The following DIPK1C variants were observed in gnomAD, a reference collection of about 807,000 sequenced individuals.
DIPK1C encodes divergent protein kinase domain 1C.
Under a neutral mutation model 28.0 loss-of-function variants are expected in DIPK1C, and 33 were observed. The ratio of observed to expected loss-of-function variants is 1.18; its 90% confidence interval spans 0.89 to 1.58. The LOEUF (loss-of-function observed/expected upper bound fraction) is 1.58, where lower values mean the gene tolerates loss of function less well. Ranked by LOEUF, DIPK1C falls within the 40% of genes most tolerant of loss-of-function variation. The pLI, the probability that DIPK1C is intolerant of heterozygous loss-of-function variation, is 0.00. For missense variants in DIPK1C, 569 were observed against 568.5 expected (o/e 1.00, Z -0.01); for synonymous variants, 255 against 248.8 (o/e 1.02, Z -0.23).
upstream of DIPK1C, among the ~76,000 whole-genome samples, chr18:74,460,405 G>A (rs368032063): frequency 6.6e-6 from 1 of 152,190 alleles, no homozygotes; most frequent in Non-Finnish European, 1.5e-5. Flanking sequence ...TTAATGCAAT[G>A]TACACACACA....
intron 2 of DIPK1C, among the ~76,000 whole-genome samples, chr18:74,446,206 G>A (rs577471399): frequency 1.2e-4 from 18 of 152,198 alleles, no homozygotes; most frequent in African/African-American, 4.8e-5. Context: ...TCTCCACACC[G>A]GAGGCCATCC....
Position 74,457,109 on chromosome 18 carries a change from A to G in DIPK1C, c.151T>C (p.Ser51Pro). The G allele has an allele frequency of 6.8e-7, 1 of 1,467,574 alleles. No individual in the cohort carries two copies. 90.9% of individuals were successfully genotyped at this position (1,467,574 alleles called of 1,614,324 possible). The change falls in exon 1 of 4, where the codon TCC becomes CCC. Residue 51 changes from serine to proline, a missense_variant. Transcript: ENST00000343998. ...CTCTTCTCGTCGGTGCAGCGCTCGG[A>G]GAGGACACCCGGGTGCGCGCGGAGC... ...LLLRAHPGVL[S>P]ERCTDEKSRR...
At chr18:74,456,504 A>C (rs1986515615) in intron 1 of DIPK1C, among the ~76,000 whole-genome samples, 1 of 152,122 alleles carries the variant, frequency 6.6e-6, no homozygotes, top group African/African-American at 2.4e-5. Context: ...ACAGACCGCG[A>C]CCGCGGAGAG....
Position 74,446,782 on chromosome 18 carries a change from C to T in DIPK1C, c.700G>A (p.Ala234Thr). 6.6e-7 allele frequency: 1 copy of T among 1,504,454 alleles called. No individual in the cohort carries two copies. Among genetic ancestry groups the T allele is most frequent in the Non-Finnish European group, 8.9e-7 (1 of 1,123,520 alleles). The allele number at this position is 1,504,454 out of a possible 1,614,324, so 93.2% of individuals were successfully genotyped here. A position where few individuals can be genotyped will look rare whatever the true frequency, so the allele number is the denominator to read the frequency against. ...FLAAGSPHHR[A>T]LFPLDRAPGA... is the part of the protein sequence containing the mutation. ...GGGGCCCGGTCCAGGGGGAAGAGTGCCCTGTGGTGGGGGCTGCCCGCGGCC... is the reference window on the plus strand; with the variant it reads ...GGGGCCCGGTCCAGGGGGAAGAGTGTCCTGTGGTGGGGGCTGCCCGCGGCC... The change falls in exon 2 of 4, where the codon GCA becomes ACA. Residue 234 changes from alanine (A) to threonine (T), a missense_variant. Ala to Thr is a moderately conservative substitution (Grantham distance 58, BLOSUM62 0). Transcript: ENST00000343998.
chr18:74,461,408 CT>C (rs71901950), upstream of DIPK1C, among the ~76,000 whole-genome samples: 63,897 of 135,052 alleles, frequency 0.47, 14,365 homozygotes, highest in East Asian at 0.59. Flanking sequence ...TTCTCTTTCT[CT>C]TTTTTTTTTT....
At chr18:74,460,705 A>T (rs1444321384), upstream of DIPK1C, among the ~76,000 whole-genome samples, 2 of 152,184 alleles carry the variant, frequency 1.3e-5, no homozygotes, top group African/African-American at 4.8e-5. Context: ...TGAAAGACTT[A>T]TTGCTTCGTC....
chr18:74,455,725 T>TAAAAAAAAAAAA (rs112246757), intron 1 of DIPK1C, among the ~76,000 whole-genome samples: 4 of 116,160 alleles, frequency 3.4e-5, no homozygotes, highest in Middle Eastern at 4.6e-3. Context: ...CAAAACTCCA[T>TAAAAAAAAAAAA]AAAAAAAAAA....
At chr18:74,460,285 G>A (rs1986597231), upstream of DIPK1C, among the ~76,000 whole-genome samples, 1 of 152,234 alleles carries the variant, frequency 6.6e-6, no homozygotes, top group South Asian at 2.1e-4. Flanking sequence ...GACCAGTACA[G>A]ATGTTCATGA....
At chr18:74,456,577 TA>T (rs1358074049) in intron 1 of DIPK1C, among the ~76,000 whole-genome samples, 1 of 152,018 alleles carries the variant, frequency 6.6e-6, no homozygotes, top group Non-Finnish European at 1.5e-5. Context: ...CTCGGTGAGA[TA>T]GGGGGTGACC....
At chr18:74,440,245 G>A (rs1302348332) in intron 3 of DIPK1C, among the ~76,000 whole-genome samples, 1 of 152,122 alleles carries the variant, frequency 6.6e-6, no homozygotes, top group East Asian at 1.9e-4. Context: ...ATATTAATTT[G>A]TAACCTGCAT....
At position 74,457,129 on chromosome 18, in the gene DIPK1C, C is replaced by G. The variant is rs1210760927; in HGVS notation, c.131G>C (p.Arg44Pro). 5 of 1,459,112 alleles carry G rather than the reference C, an allele frequency of 3.4e-6. No homozygotes were observed. The South Asian group carries it at 6.6e-5, about 19-fold the overall frequency. The allele number at this position is 1,459,112 out of a possible 1,614,324, so 90.4% of individuals were successfully genotyped here. ...CTCGGAGAGGACACCCGGGTGCGCG[C>G]GGAGCAGCAGCGCGGCCGCCAGCAC... ...GWVLAAALLLRAHPGVLSERC... is the reference protein window; with the variant it reads ...GWVLAAALLLPAHPGVLSERC... Residue 44 changes from arginine to proline, a missense_variant, in exon 1 of 4, where the codon CGC (arginine) becomes CCC (proline). Physicochemically the swap from Arg to Pro is moderately radical, Grantham distance 103. Transcript: ENST00000343998.
intron 2 of DIPK1C, among the ~76,000 whole-genome samples, chr18:74,442,375 C>A (rs1034117814): frequency 5.3e-5 from 8 of 152,180 alleles, no homozygotes; most frequent in African/African-American, 1.9e-4. Flanking sequence ...GTCACCCAGG[C>A]TGGAGTGCAG....
intron 2 of DIPK1C, 25 bp downstream of exon 2, chr18:74,446,581 A>G: frequency 7.0e-7 from 1 of 1,430,946 alleles, no homozygotes; most frequent in South Asian, 1.5e-5. Context: ...CTCTGCACAT[A>G]AACACACCGA....
chr18:74,457,188 C>A lies in DIPK1C; in HGVS notation c.72G>T (p.Thr24=). The change falls in exon 1 of 4, where the codon ACG becomes ACT. Residue 24 remains threonine (T), a synonymous_variant. Transcript: ENST00000343998. ...CGGTCCACGCGGCGAAGGCGAGGAG[C>A]GTGCCCCGCCCGCAGCGCCCGCGCC... ...CRRRGRCGRG[T]LLAFAAWTAG... is the part of the protein sequence containing the mutation. The A allele has an allele frequency of 1.6e-6, 2 of 1,238,208 alleles. No homozygotes were observed. The highest frequency in any genetic ancestry group is 2.0e-6 in the Non-Finnish European group (2 of 992,608). The allele number at this position is 1,238,208 out of a possible 1,614,324, so 76.7% of individuals were successfully genotyped here.
At chr18:74,451,827 C>T (rs1010699239) in intron 1 of DIPK1C, among the ~76,000 whole-genome samples, 16 of 152,172 alleles carry the variant, frequency 1.1e-4, no homozygotes, top group Non-Finnish European at 1.9e-4. Flanking sequence ...TCCCAGTCAC[C>T]GCGCTTGTCC....
At chr18:74,453,944 C>G (rs1438568178) in intron 1 of DIPK1C, among the ~76,000 whole-genome samples, 3 of 152,154 alleles carry the variant, frequency 2.0e-5, no homozygotes, top group African/African-American at 7.2e-5. Flanking sequence ...AGTGCCTTCC[C>G]AGAGGAAGAG....
At chr18:74,445,263 A>G (rs1286322610) in intron 2 of DIPK1C, among the ~76,000 whole-genome samples, 1 of 152,154 alleles carries the variant, frequency 6.6e-6, no homozygotes, top group Admixed American at 6.5e-5. Context: ...GGAGACGCAC[A>G]TGGCACTCAG....
At chr18:74,443,893 A>G (rs1302729784) in intron 2 of DIPK1C, among the ~76,000 whole-genome samples, 4 of 152,120 alleles carry the variant, frequency 2.6e-5, no homozygotes, top group African/African-American at 9.7e-5. Context: ...TCAGAATTTT[A>G]GCTTCTTGCA....
At chr18:74,462,847 G>A (rs1986637148), upstream of DIPK1C, among the ~76,000 whole-genome samples, 1 of 152,170 alleles carries the variant, frequency 6.6e-6, no homozygotes, top group Non-Finnish European at 1.5e-5. Context: ...GCATTTCCCT[G>A]TGAAGAGTCA....
Sources: allele counts gnomAD v4.1 joint callset (sites outside exome capture counted in the v4.1 genomes callset), GRCh38; gene constraint gnomAD v4.1.1; transcripts MANE v1.5; gene names NCBI Gene and HGNC (gene_info 2026-07-23, HGNC 2026-07-21).